Variants in PTPN9 observed in about 807,000 individuals in gnomAD.
The protein encoded by PTPN9 is protein tyrosine phosphatase non-receptor type 9, also known as tyrosine-protein phosphatase non-receptor type 9.
PTPN9 carries 26 observed loss-of-function variants against 69.8 expected under a neutral mutation model. The observed-to-expected ratio is 0.37, with a 90% CI of 0.27 to 0.52. The LOEUF is 0.52. PTPN9 is among the 20% of genes least tolerant of loss of function. PTPN9 has a pLI of 0.91. For missense variants in PTPN9, 549 were observed against 740.3 expected, an observed-to-expected ratio of 0.74 and a Z score of 3.00; for synonymous variants, 274 against 272.5, an observed-to-expected ratio of 1.01 and a Z score of -0.05.
chr15:75,536,398 T>C (rs369434179), intron 1 of PTPN9, among the ~76,000 whole-genome samples: 4 of 152,308 alleles, frequency 2.6e-5, no homozygotes, highest in African/African-American at 9.6e-5. Flanking sequence ...TAAATACATC[T>C]TTACCACATA....
chr15:75,546,017 CTG>C (rs1246999372), intron 1 of PTPN9, among the ~76,000 whole-genome samples: 8 of 152,170 alleles, frequency 5.3e-5, no homozygotes, highest in Non-Finnish European at 1.2e-4. Flanking sequence ...CCATAAAAAT[CTG>C]AGTCTGGCAG....
intron 8 of PTPN9, among the ~76,000 whole-genome samples, chr15:75,485,511 GGCGCCCGCCACC>G (rs2074670123): frequency 6.6e-6 from 1 of 151,056 alleles, no homozygotes; most frequent in South Asian, 2.1e-4. Flanking sequence ...TGGGACTACA[GGCGCCCGCCACC>G]GCGCCCGGCT....
At chr15:75,497,257 A>C (rs376194834) in intron 7 of PTPN9, among the ~76,000 whole-genome samples, 58 of 152,278 alleles carry the variant, frequency 3.8e-4, no homozygotes, top group Admixed American at 4.6e-4. Context: ...TGGGAGGCTG[A>C]GGTGGGAGAA....
chr15:75,524,222 T>C lies in PTPN9; in HGVS notation c.284A>G (p.Lys95Arg). ...EPLRSEILSG[K>R]FTILNVRDPT... ...CTAAACACTCACTAAGATGGTGAATTTTCCACTGAGGATCTCAGAACGAAG... is the reference window on the plus strand; with the variant it reads ...CTAAACACTCACTAAGATGGTGAATCTTCCACTGAGGATCTCAGAACGAAG... The change falls in exon 3 of 13, where the codon AAA becomes AGA. Residue 95 changes from lysine (K) to arginine (R), a missense_variant. Around this residue, in one of 3 missense-constraint regions of PTPN9, gnomAD observed 457 missense variants for 661.9 expected, o/e 0.69. Coordinates refer to ENST00000618819, the MANE Select transcript of PTPN9 (RefSeq NM_002833.4). 1 of 1,607,854 alleles carries C rather than the reference T, an allele frequency of 6.2e-7. No homozygotes were observed. Among genetic ancestry groups the C allele is most frequent in the Non-Finnish European group, 8.5e-7 (1 of 1,174,818 alleles).
chr15:75,477,830 ACT>A (rs2074604659), intron 9 of PTPN9, among the ~76,000 whole-genome samples: 3 of 133,852 alleles, frequency 2.2e-5, no homozygotes, highest in Admixed American at 7.6e-5. Flanking sequence ...CTAATCAGAT[ACT>A]CTTTTTTTTT....
chr15:75,491,932 AG>A, intron 7 of PTPN9, among the ~76,000 whole-genome samples: 1 of 152,292 alleles, frequency 6.6e-6, no homozygotes, highest in South Asian at 2.1e-4. Flanking sequence ...AGGGTCTCAA[AG>A]GTCTCCAGGG....
intron 7 of PTPN9, among the ~76,000 whole-genome samples, chr15:75,493,770 AAAAG>A (rs1180144661): frequency 2.6e-5 from 4 of 152,118 alleles, no homozygotes; most frequent in Non-Finnish European, 5.9e-5. Context: ...CATTAAAAAA[AAAAG>A]AAAGAAAGAA....
intron 7 of PTPN9, among the ~76,000 whole-genome samples, chr15:75,503,514 G>A (rs868385991): frequency 8.0e-3 from 911 of 113,662 alleles, no homozygotes; most frequent in African/African-American, 0.017. Flanking sequence ...GAGCGTCTCC[G>A]CCCGGCAGCC....
chr15:75,570,168 C>T (rs2075142921), intron 1 of PTPN9: 1 of 152,092 alleles, frequency 6.6e-6, no homozygotes, highest in Non-Finnish European at 1.5e-5. Context: ...GAGGTTTTAC[C>T]TAATTGTTAC....
chr15:75,535,053 G>A (rs2074977291), intron 1 of PTPN9, among the ~76,000 whole-genome samples: 1 of 151,486 alleles, frequency 6.6e-6, no homozygotes, highest in African/African-American at 2.4e-5. Flanking sequence ...CTGGAGTGCA[G>A]TGGCGTGATC....
intron 1 of PTPN9, among the ~76,000 whole-genome samples, chr15:75,541,949 A>C (rs890341338): frequency 4.1e-4 from 62 of 151,872 alleles, no homozygotes; most frequent in African/African-American, 1.4e-3. Flanking sequence ...AGGCAGAAGA[A>C]TCGCCTGAAC....
intron 1 of PTPN9, among the ~76,000 whole-genome samples, chr15:75,542,876 T>G (rs1193130761): frequency 6.6e-6 from 1 of 151,902 alleles, no homozygotes; most frequent in Non-Finnish European, 1.5e-5. Flanking sequence ...ACTTTTAAGT[T>G]TTCGGGTACA....
intron 1 of PTPN9, among the ~76,000 whole-genome samples, chr15:75,548,446 G>A (rs751890957): frequency 2.4e-4 from 37 of 151,050 alleles, no homozygotes; most frequent in Admixed American, 2.0e-3. Flanking sequence ...AATAGAGATA[G>A]GGTTTTGCCA....
At chr15:75,537,801 G>A (rs1183420423) in intron 1 of PTPN9, among the ~76,000 whole-genome samples, 4 of 140,960 alleles carry the variant, frequency 2.8e-5, no homozygotes, top group Admixed American at 2.2e-4. Context: ...GCTCACACCT[G>A]TAATCCCAGC....
At chr15:75,473,465 T>C (rs1486175634) in intron 10 of PTPN9, among the ~76,000 whole-genome samples, 1 of 152,170 alleles carries the variant, frequency 6.6e-6, no homozygotes, top group Non-Finnish European at 1.5e-5. Context: ...TAATTTTTTG[T>C]ATTTTTAATA....
chr15:75,504,229 C>T (rs1344088462), intron 7 of PTPN9, among the ~76,000 whole-genome samples: 1 of 126,804 alleles, frequency 7.9e-6, no homozygotes, highest in African/African-American at 3.0e-5. Context: ...GCCCCCCGCC[C>T]GGCCAGCCGC....
intron 8 of PTPN9, chr15:75,480,728 A>C (rs1429062261): frequency 8.4e-6 from 11 of 1,303,056 alleles, no homozygotes; most frequent in Non-Finnish European, 1.1e-5. Flanking sequence ...GATGGAGTTC[A>C]GCGGGCAGCG....
At chr15:75,525,441 G>A (rs370822950) in intron 2 of PTPN9, among the ~76,000 whole-genome samples, 5 of 150,950 alleles carry the variant, frequency 3.3e-5, no homozygotes, top group African/African-American at 7.3e-5. Flanking sequence ...CGATCCACCC[G>A]CCTCGGCCTC....
At chr15:75,491,065 C>T (rs907225443) in intron 7 of PTPN9, among the ~76,000 whole-genome samples, 4 of 151,930 alleles carry the variant, frequency 2.6e-5, no homozygotes, top group Non-Finnish European at 5.9e-5. Context: ...GCTATGACAG[C>T]GCCACTGCAC....
Sources: allele counts gnomAD v4.1 joint callset (sites outside exome capture counted in the v4.1 genomes callset), GRCh38; gene constraint gnomAD v4.1.1; regional missense constraint gnomAD v4.1.1; transcripts MANE v1.5; gene names NCBI Gene and HGNC (gene_info 2026-07-23, HGNC 2026-07-21).